EFL1: variants seen among roughly 807,000 people sequenced by gnomAD.
The protein encoded by EFL1 is elongation factor like GTPase 1, also known as elongation factor-like GTPase 1.
In EFL1, 76 loss-of-function variants were observed where a neutral mutation model predicts 126.7. The observed-to-expected ratio is 0.60, with a 90% CI of 0.50 to 0.73. EFL1 has a LOEUF of 0.73. EFL1 is among the 30% of genes least tolerant of loss of function. The pLI, the probability that EFL1 is intolerant of heterozygous loss-of-function variation, is 0.00. For missense variants in EFL1, 1,128 were observed against 1,343.2 expected (o/e 0.84, Z 2.50); for synonymous variants, 410 against 448.4 (o/e 0.91, Z 1.08).
chr15:82,211,840 A>G (rs1425781008), intron 15 of EFL1, among the ~76,000 whole-genome samples: 1 of 152,206 alleles, frequency 6.6e-6, no homozygotes, highest in Non-Finnish European at 1.5e-5. Flanking sequence ...ATGGGTTATC[A>G]ATCAACCCAA....
At position 82,138,430 on chromosome 15, in the gene EFL1, ATG is replaced by A. The variant is rs10675439; in HGVS notation, c.3174+226_3174+227del. The stretch of plus-strand genomic sequence containing the variant: ...AATGAGAGAGAGAGAGAGAGAGTGT[ATG>A]TGTGTGTGTGTGTGTGTGTGTGTGT... On this transcript the variant is annotated intron_variant, in intron 19 of 19. Coordinates refer to ENST00000268206, the MANE Select transcript of EFL1 (RefSeq NM_024580.6). Among the ~76,000 whole-genome samples the A allele has an allele frequency of 1.0e-3, 152 of 146,052 alleles. 2 individuals are homozygous for A. The South Asian group carries it at 0.015, about 14-fold the overall frequency.
intron 1 of EFL1, 66 bp downstream of exon 1, chr15:82,262,548 G>C (rs533091105): frequency 8.6e-6 from 2 of 231,370 alleles, no homozygotes; most frequent in African/African-American, 2.3e-5. Context: ...CAGCGAGCGG[G>C]TTCCTCCGGC....
Position 82,229,024 on chromosome 15 carries a change from AGAGTC to A in EFL1, c.932+5_932+9del. ...TAAAGATGCCTAAAGGTAAACAATA[AGAGTC>A]TTACTTTTTCAAAACAGCATCATAC... On this transcript the variant is annotated splice_donor_5th_base_variant and intron_variant, in intron 9 of 19. Transcript: ENST00000268206. 1 of 1,604,722 alleles carries A rather than the reference AGAGTC, an allele frequency of 6.2e-7. No individual in the cohort carries two copies.
At position 82,261,682 on chromosome 15, in the gene EFL1, T is replaced by C. The variant is rs200183257; in HGVS notation, c.91+6A>G. The C allele has an allele frequency of 2.9e-5, 47 of 1,613,138 alleles. No homozygotes were observed. The East Asian group carries it at 1.0e-3, about 35-fold the overall frequency. ...TCAAAATAAGCCATTTAAAAAGTAT[T>C]CTTACCATGGTCAACATGAGCCAAA... is the stretch of plus-strand genomic sequence containing the variant. On this transcript the variant is annotated splice_donor_region_variant and intron_variant, in intron 2 of 19. Coordinates refer to ENST00000268206, the MANE Select transcript of EFL1 (RefSeq NM_024580.6).
At chr15:82,134,858 A>C (rs1567035330) in intron 19 of EFL1, among the ~76,000 whole-genome samples, 1 of 152,226 alleles carries the variant, frequency 6.6e-6, no homozygotes, top group African/African-American at 2.4e-5. Flanking sequence ...AGGTTTCCTC[A>C]TGGAAAAATG....
At chr15:82,214,928 T>A in intron 14 of EFL1, 73 bp from the exon 15 acceptor site, 3 of 1,503,482 alleles carry the variant, frequency 2.0e-6, no homozygotes, top group Non-Finnish European at 2.7e-6. Context: ...GTAAAGTTAC[T>A]TCTATTCATC....
chr15:82,254,954 C>T (rs1220786249), intron 3 of EFL1, among the ~76,000 whole-genome samples: 1 of 152,050 alleles, frequency 6.6e-6, no homozygotes, highest in African/African-American at 2.4e-5. Context: ...CTGGTGGGTA[C>T]TGATGGACAT....
intron 15 of EFL1, among the ~76,000 whole-genome samples, chr15:82,172,683 G>C (rs1328722001): frequency 6.6e-6 from 1 of 152,096 alleles, no homozygotes. Flanking sequence ...AACTTGTTCT[G>C]AAAACAAGCT....
chr15:82,244,993 A>G (rs555890461), intron 4 of EFL1, among the ~76,000 whole-genome samples: 1 of 152,282 alleles, frequency 6.6e-6, no homozygotes, highest in East Asian at 1.9e-4. Flanking sequence ...ATTTTGCCTG[A>G]CAACAAAAAT....
At position 82,221,648 on chromosome 15, in the gene EFL1, T is replaced by C. The variant is rs546960488; in HGVS notation, c.1293-1419A>G. Among the ~76,000 whole-genome samples, 5 of 152,306 alleles carry C rather than the reference T, an allele frequency of 3.3e-5. No individual in the cohort carries two copies. The South Asian group carries it at 1.0e-3, about 32-fold the overall frequency. ...CCCACTCTGCTGCAGGTCACTGGGCTGTGCAATAGAATACAAAAATATGAG... is the reference window on the plus strand; with the variant it reads ...CCCACTCTGCTGCAGGTCACTGGGCCGTGCAATAGAATACAAAAATATGAG... On this transcript the variant is annotated intron_variant, in intron 12 of 19. Coordinates refer to ENST00000268206, the MANE Select transcript of EFL1 (RefSeq NM_024580.6).
At chr15:82,183,203 G>A (rs568776795) in intron 15 of EFL1, among the ~76,000 whole-genome samples, 1 of 152,318 alleles carries the variant, frequency 6.6e-6, no homozygotes, top group East Asian at 1.9e-4. Context: ...AATGTAGGGA[G>A]AAAGAAAAGT....
rs184044172 is a variant in EFL1, at chr15:82,157,611, C to G, written c.2030+102G>C. On this transcript the variant is annotated intron_variant, in intron 17 of 19. Coordinates refer to ENST00000268206, the MANE Select transcript of EFL1 (RefSeq NM_024580.6). ...TGAATTGAGGGCATTTCATTTTTCT[C>G]CAAAAATAAGCCGCAGTCTAAGTTC... The G allele has an allele frequency of 1.3e-4, 170 of 1,344,100 alleles. 1 individual carries two copies. The Admixed American group carries it at 4.1e-3, about 32-fold the overall frequency. 83.3% of individuals were successfully genotyped at this position (1,344,100 alleles called of 1,614,324 possible).
chr15:82,251,298 A>G (rs927551683), intron 4 of EFL1, among the ~76,000 whole-genome samples: 3 of 152,244 alleles, frequency 2.0e-5, no homozygotes, highest in African/African-American at 7.2e-5. Context: ...AATAGAGTTC[A>G]GACCATTCAG....
intron 17 of EFL1, among the ~76,000 whole-genome samples, chr15:82,156,671 GAT>G (rs2073971583): frequency 7.2e-5 from 11 of 152,172 alleles, no homozygotes; most frequent in Admixed American, 6.5e-4. Context: ...TAAAGATTGA[GAT>G]AAATAGTGCT....
chr15:82,258,944 T>A (rs2075089283), intron 3 of EFL1, 144 bp downstream of exon 3: 1 of 718,582 alleles, frequency 1.4e-6, no homozygotes, highest in Non-Finnish European at 2.4e-6. Flanking sequence ...AGCATTTTTA[T>A]CTTGCAAAAT....
intron 12 of EFL1, among the ~76,000 whole-genome samples, chr15:82,221,082 C>T (rs932209459): frequency 6.6e-5 from 10 of 152,132 alleles, no homozygotes; most frequent in Admixed American, 1.3e-4. Context: ...ACAGCATCTT[C>T]TGCCCTATAC....
At chr15:82,167,033 G>A (rs181771832) in intron 15 of EFL1, among the ~76,000 whole-genome samples, 9 of 152,264 alleles carry the variant, frequency 5.9e-5, no homozygotes, top group East Asian at 3.9e-4. Flanking sequence ...CAAAATTAGC[G>A]TGCCATTGAT....
chr15:82,153,875 C>T (rs1361912859), intron 17 of EFL1, among the ~76,000 whole-genome samples: 1 of 152,114 alleles, frequency 6.6e-6, no homozygotes, highest in Non-Finnish European at 1.5e-5. Flanking sequence ...AAAAAAGCCA[C>T]TTAAAAATCT....
chr15:82,139,333 T>C (rs960388857), intron 18 of EFL1, among the ~76,000 whole-genome samples: 9 of 152,202 alleles, frequency 5.9e-5, no homozygotes, highest in African/African-American at 2.2e-4. Context: ...CACATATATA[T>C]TTGTTCATAG....
Sources: allele counts gnomAD v4.1 joint callset (sites outside exome capture counted in the v4.1 genomes callset), GRCh38; gene constraint gnomAD v4.1.1; transcripts MANE v1.5; gene names NCBI Gene and HGNC (gene_info 2026-07-23, HGNC 2026-07-21).